NRXN3: variants seen among roughly 807,000 people sequenced by gnomAD.
NRXN3 encodes the protein neurexin III.
In NRXN3, 32 loss-of-function variants were observed where a neutral mutation model predicts 137.6. The ratio of observed to expected loss-of-function variants is 0.23; its 90% CI spans 0.18 to 0.31. NRXN3 has a LOEUF of 0.31. NRXN3 is among the 10% of genes least tolerant of loss of function. The probability of loss-of-function intolerance (pLI) is 1.00; values close to 1 mark genes in which losing one functional copy is unlikely to be tolerated. For missense variants in NRXN3, 1,574 were observed against 2,062.5 expected, an observed-to-expected ratio of 0.76 and a Z score of 4.59; for synonymous variants, 798 against 784.5, an observed-to-expected ratio of 1.02 and a Z score of -0.29.
rs148948681 is a variant in NRXN3 at position 79,610,706 on chromosome 14, A to C, written c.3445-53072A>C. 1.9e-4 allele frequency among the ~76,000 whole-genome samples: 29 copies of C among 152,198 alleles called. No individual in the cohort carries two copies. The East Asian group carries it at 5.2e-3, about 27-fold the overall frequency. On this transcript the variant is annotated intron_variant, in intron 16 of 20. Coordinates refer to ENST00000335750, the MANE Select transcript of NRXN3 (RefSeq NM_001330195.2). ...GAGTTACGTGAGTTTTTCCCCAAAG[A>C]CTCATGCCCTTTTTTAGGAGGCAAA...
intron 15 of NRXN3, among the ~76,000 whole-genome samples, chr14:79,323,945 C>T (rs1023220307): frequency 9.9e-5 from 15 of 151,964 alleles, no homozygotes; most frequent in African/African-American, 3.6e-4. Context: ...TTTTTTTCCC[C>T]AGTATGAGGA....
intron 15 of NRXN3, among the ~76,000 whole-genome samples, chr14:79,168,534 T>G (rs555017360): frequency 6.6e-6 from 1 of 152,042 alleles, no homozygotes; most frequent in Non-Finnish European, 1.5e-5. Flanking sequence ...GGTGCTTTTC[T>G]TTTTCTACCA....
At chr14:78,879,062 G>T (rs1298014820) in intron 10 of NRXN3, among the ~76,000 whole-genome samples, 1 of 152,024 alleles carries the variant, frequency 6.6e-6, no homozygotes, top group African/African-American at 2.4e-5. Context: ...CAATAATATT[G>T]GTTGTGTACA....
Position 79,078,335 on chromosome 14 carries a change from C to G in NRXN3, c.3262+90194C>G, listed in dbSNP as rs1331369911. Among the ~76,000 whole-genome samples, 3 of 152,166 alleles carry G rather than the reference C, an allele frequency of 2.0e-5. No individual in the cohort carries two copies. The East Asian group carries it at 5.8e-4, about 29-fold the overall frequency. On this transcript the variant is annotated intron_variant, in intron 15 of 20. Coordinates refer to ENST00000335750, the MANE Select transcript of NRXN3 (RefSeq NM_001330195.2). ...GGAGGTTAAACTTTTGACAGCAGAT[C>G]TGTGGTGGTAGATACCATGTTTTCT...
rs761192025 is a variant in NRXN3 at position 79,427,753 on chromosome 14, A to T, written c.3263-39468A>T. Among the ~76,000 whole-genome samples the T allele has an allele frequency of 2.0e-5, 3 of 148,142 alleles. No individual in the cohort carries two copies. The South Asian group carries it at 6.5e-4, about 32-fold the overall frequency. On this transcript the variant is annotated intron_variant, in intron 15 of 20. Coordinates refer to ENST00000335750, the MANE Select transcript of NRXN3 (RefSeq NM_001330195.2). ...AGGCTGAGGCAGGAGAATTGCTTGA[A>T]CCCTGGAGTTGGAGGTTGAAGAGAG...
chr14:78,359,561 G>T (rs1215916251), intron 4 of NRXN3, among the ~76,000 whole-genome samples: 1 of 152,168 alleles, frequency 6.6e-6, no homozygotes, highest in Non-Finnish European at 1.5e-5. Context: ...TACTGTATTA[G>T]AACAACATCC....
intron 15 of NRXN3, among the ~76,000 whole-genome samples, chr14:78,997,722 C>T (rs975102359): frequency 5.9e-5 from 9 of 152,180 alleles, no homozygotes; most frequent in African/African-American, 2.2e-4. Context: ...ATCACAAATG[C>T]TTATACCCAA....
At chr14:78,728,874 G>T (rs1222377018) in intron 8 of NRXN3, among the ~76,000 whole-genome samples, 1 of 152,132 alleles carries the variant, frequency 6.6e-6, no homozygotes, top group Non-Finnish European at 1.5e-5. Context: ...ACTCCAGCCT[G>T]GGCAACAGAG....
intron 4 of NRXN3, among the ~76,000 whole-genome samples, chr14:78,568,674 A>G (rs1410832541): frequency 6.6e-6 from 1 of 152,186 alleles, no homozygotes; most frequent in African/African-American, 2.4e-5. Context: ...TGTCTTTGAA[A>G]TCCTGGGTTC....
At chr14:78,538,274 C>T (rs550717506) in intron 4 of NRXN3, among the ~76,000 whole-genome samples, 1 of 152,210 alleles carries the variant, frequency 6.6e-6, no homozygotes, top group Admixed American at 6.5e-5. Flanking sequence ...TTGTTTGTAT[C>T]CTCTTTTATT....
chr14:79,732,451 T>G (rs931028835), intron 19 of NRXN3, among the ~76,000 whole-genome samples: 11 of 152,178 alleles, frequency 7.2e-5, no homozygotes, highest in African/African-American at 2.7e-4. Context: ...CAATTGTGCC[T>G]CTCAGGCTTG....
intron 15 of NRXN3, among the ~76,000 whole-genome samples, chr14:79,188,488 G>A (rs2063806002): frequency 6.6e-6 from 1 of 151,912 alleles, no homozygotes; most frequent in African/African-American, 2.4e-5. Context: ...TTTACACAGA[G>A]CAACCATGCA....
chr14:78,928,547 G>A (rs1036286533), intron 10 of NRXN3, among the ~76,000 whole-genome samples: 12 of 152,030 alleles, frequency 7.9e-5, no homozygotes, highest in Non-Finnish European at 1.2e-4. Flanking sequence ...GAGAACATGC[G>A]GTGTTTGGTT....
intron 15 of NRXN3, among the ~76,000 whole-genome samples, chr14:79,406,078 GA>G (rs1404680761): frequency 2.6e-5 from 4 of 151,984 alleles, no homozygotes; most frequent in African/African-American, 7.2e-5. Flanking sequence ...AGAATGTTTT[GA>G]AAATTATGAA....
intron 16 of NRXN3, among the ~76,000 whole-genome samples, chr14:79,468,101 A>G (rs529601858): frequency 3.8e-4 from 58 of 152,352 alleles, no homozygotes; most frequent in African/African-American, 1.3e-3. Context: ...TGAGTAATTC[A>G]TGTGTATTGC....
intron 4 of NRXN3, among the ~76,000 whole-genome samples, chr14:78,500,076 C>T (rs1418753327): frequency 1.3e-5 from 2 of 152,150 alleles, no homozygotes; most frequent in Non-Finnish European, 2.9e-5. Flanking sequence ...TCTGCCATAG[C>T]ATGCCTGACC....
chr14:78,329,983 A>G (rs1193081913), intron 4 of NRXN3, among the ~76,000 whole-genome samples: 1 of 152,166 alleles, frequency 6.6e-6, no homozygotes, highest in East Asian at 1.9e-4. Flanking sequence ...TACGAGCATC[A>G]AAACAGCAGA....
intron 15 of NRXN3, among the ~76,000 whole-genome samples, chr14:79,047,731 G>A (rs1445502914): frequency 6.6e-6 from 1 of 152,110 alleles, no homozygotes; most frequent in Non-Finnish European, 1.5e-5. Flanking sequence ...TCACAGTGAT[G>A]TATCATTTTA....
At position 78,230,617 on chromosome 14, in the gene NRXN3, A is replaced by C. The variant is rs147324778; in HGVS notation, c.-703-11774A>C. 3.3e-3 allele frequency among the ~76,000 whole-genome samples: 497 copies of C among 152,216 alleles called. 7 individuals carry two copies. The highest frequency in any genetic ancestry group is 0.012 in the African/African-American group (481 of 41,514). ...AGAGAAGAGGGAGTCAGCCATGAGA[A>C]GGTTTGAAGAAGGGCATTTCAGGCA... is the stretch of plus-strand genomic sequence containing the variant. On this transcript the variant is annotated intron_variant, in intron 1 of 20. Transcript: ENST00000335750.
Sources: gnomAD v4.1 joint callset for allele counts (sites outside exome capture counted in the v4.1 genomes callset) on GRCh38, gnomAD v4.1.1 for gene constraint, MANE v1.5 for transcripts, NCBI Gene and HGNC (gene_info 2026-07-23, HGNC 2026-07-21) for gene names.